PGM3: variants seen among roughly 807,000 people sequenced by gnomAD.
The protein encoded by PGM3 is phosphoacetylglucosamine mutase.
In PGM3, 40 loss-of-function variants were observed where a neutral mutation model predicts 66.2. The ratio of observed to expected loss-of-function variants is 0.60; its 90% CI spans 0.47 to 0.79. PGM3 has a LOEUF of 0.79. Ranked by LOEUF, PGM3 falls within the 30% of genes least tolerant of loss-of-function variation. The pLI is 0.00. For missense variants in PGM3, 537 were observed against 643.4 expected (o/e 0.83, Z 1.79); for synonymous variants, 191 against 224.2 (o/e 0.85, Z 1.32).
At chr6:83,173,383 C>A (rs1787459229) in intron 10 of PGM3, among the ~76,000 whole-genome samples, 1 of 152,138 alleles carries the variant, frequency 6.6e-6, no homozygotes, top group Admixed American at 6.5e-5. Context: ...CTCTAAGGCT[C>A]AGCCTAACAT....
intron 2 of PGM3, among the ~76,000 whole-genome samples, chr6:83,189,452 A>G (rs1788876963): frequency 6.6e-6 from 1 of 152,236 alleles, no homozygotes; most frequent in South Asian, 2.1e-4. Context: ...GGGTCTTCCT[A>G]GAAGTCAATC....
At chr6:83,172,178 T>C (rs1787270343) in intron 10 of PGM3, 119 bp from the exon 11 acceptor site, 6 of 968,380 alleles carry the variant, frequency 6.2e-6, no homozygotes, top group Non-Finnish European at 7.7e-6. Context: ...TGAAACATGC[T>C]GAGTGCCAAA....
In PGM3 at chr6:83,175,866, C is replaced by T. The variant is rs1787725294; in HGVS notation, c.1128+96G>A. 4.6e-6 allele frequency: 3 copies of T among 652,146 alleles called. No individual in the cohort carries two copies. The South Asian group carries it at 5.7e-5, about 12-fold the overall frequency. 40.4% of individuals were successfully genotyped at this position (652,146 alleles called of 1,614,324 possible). On this transcript the variant is annotated intron_variant, in intron 9 of 12. Coordinates refer to ENST00000513973, the MANE Select transcript of PGM3 (RefSeq NM_015599.3). Reference sequence around the variant, plus strand: ...TTTTTGTCACATCCAATTATTTCAACAAAGTACAATATTACCTATTATTAC... The same window carrying T: ...TTTTTGTCACATCCAATTATTTCAATAAAGTACAATATTACCTATTATTAC...
downstream of PGM3, chr6:83,157,451 T>C: frequency 2.1e-6 from 2 of 954,212 alleles, no homozygotes; most frequent in Non-Finnish European, 3.2e-6. Flanking sequence ...TGATGCTTTT[T>C]ACAGTTGAAA....
chr6:83,156,676 T>C (rs1782871809), downstream of PGM3, among the ~76,000 whole-genome samples: 2 of 152,210 alleles, frequency 1.3e-5, no homozygotes, highest in African/African-American at 4.8e-5. Flanking sequence ...CAGCATACTC[T>C]AAAGCCTCCA....
intron 10 of PGM3, among the ~76,000 whole-genome samples, chr6:83,173,421 T>C (rs1257024819): frequency 6.6e-6 from 1 of 152,222 alleles, no homozygotes; most frequent in African/African-American, 2.4e-5. Flanking sequence ...TTTTTATAAA[T>C]AGATCCCTTT....
chr6:83,166,741 A>G lies in PGM3; in HGVS notation c.*2493T>C, dbSNP rs564669438. On this transcript the variant is annotated 3_prime_UTR_variant, in exon 13 of 13. Transcript: ENST00000513973. ...ATAAGCAATAAGCTTGAGAGCACAT[A>G]GAAGAAAATAAGCTGGATTTTGCAT... 1.8e-6 allele frequency: 2 copies of G among 1,138,326 alleles called. No individual in the cohort carries two copies. The highest frequency in any genetic ancestry group is 3.8e-5 in the South Asian group (1 of 26,158). 70.5% of individuals were successfully genotyped at this position (1,138,326 alleles called of 1,614,324 possible).
chr6:83,170,321 G>A lies in PGM3; in HGVS notation c.1523C>T (p.Ala508Val). ...SGTEDVVRVY[A>V]EADSQESADH... Reference sequence around the variant, plus strand: ...CCAGCTTACTTGTGAGTCTGCTTCTGCATATACTCGGACGACATCTTCTGT... The same window carrying A: ...CCAGCTTACTTGTGAGTCTGCTTCTACATATACTCGGACGACATCTTCTGT... The change falls in exon 12 of 13, where the codon GCA (alanine) becomes GTA (valine). Residue 508 changes from alanine (A) to valine (V), a missense_variant. By Grantham distance (64) the Ala-to-Val change is moderately conservative. Transcript: ENST00000513973. 1.2e-6 allele frequency: 2 copies of A among 1,614,132 alleles called. No individual in the cohort carries two copies. Among genetic ancestry groups the A allele is most frequent in the Non-Finnish European group, 1.7e-6 (2 of 1,179,996 alleles).
intron 8 of PGM3, among the ~76,000 whole-genome samples, chr6:83,176,970 A>G (rs774952510): frequency 9.2e-5 from 14 of 152,202 alleles, no homozygotes; most frequent in African/African-American, 3.4e-4. Flanking sequence ...TTATAACCAT[A>G]TATTAAAATC....
chr6:83,191,883 C>CA (rs1562434406), intron 1 of PGM3, among the ~76,000 whole-genome samples: 65 of 139,734 alleles, frequency 4.7e-4, no homozygotes, highest in African/African-American at 1.7e-3. Flanking sequence ...CCCAGCTACT[C>CA]GGGAGGCAGA....
chr6:83,169,395 C>T (rs1786587325), intron 12 of PGM3, 72 bp from the exon 13 acceptor site: 2 of 1,557,224 alleles, frequency 1.3e-6, no homozygotes, highest in Non-Finnish European at 1.8e-6. Context: ...GACCATGTTA[C>T]TTGGAACTCT....
At chr6:83,190,076 T>G (rs751841298) in intron 2 of PGM3, among the ~76,000 whole-genome samples, 1 of 151,830 alleles carries the variant, frequency 6.6e-6, no homozygotes, top group East Asian at 1.9e-4. Flanking sequence ...TGACTATAGT[T>G]CATAATAATA....
chr6:83,157,403 A>G (rs1473342051), downstream of PGM3: 19 of 1,400,574 alleles, frequency 1.4e-5, no homozygotes, highest in East Asian at 4.1e-4. Flanking sequence ...ATATTAACGA[A>G]TATTGGGAGA....
chr6:83,151,255 A>C, the PGM3 span, among the ~76,000 whole-genome samples: 1 of 152,162 alleles, frequency 6.6e-6, no homozygotes, highest in Admixed American at 6.5e-5. Context: ...CTTGGCCTCA[A>C]GCAATTCTCC....
Position 83,176,044 on chromosome 6 carries a change from G to C in PGM3, c.1046C>G (p.Thr349Ser). The C allele has an allele frequency of 5.7e-6, 9 of 1,592,908 alleles. No homozygotes were observed. Among genetic ancestry groups the C allele is most frequent in the Non-Finnish European group, 7.8e-6 (9 of 1,160,784 alleles). The change falls in exon 9 of 13, where the codon ACT becomes AGT. Residue 349 changes from threonine to serine, a missense_variant. Coordinates refer to ENST00000513973, the MANE Select transcript of PGM3 (RefSeq NM_015599.3). Reference protein sequence around the residue: ...EEVMKVPVYCTKTGVKHLHHK... With the variant: ...EEVMKVPVYCSKTGVKHLHHK... ...GTGCAAATGTTTTACACCAGTCTTA[G>C]TGCAATAGACAGGTACCTATAACAC...
At chr6:83,190,412 A>G (rs1284338185) in intron 2 of PGM3, 1 of 177,278 alleles carries the variant, frequency 5.6e-6, no homozygotes, top group Non-Finnish European at 1.2e-5. Context: ...TTGCCGAGCT[A>G]TAAAAACCTG....
At chr6:83,180,687 TAG>T (rs1788115484) in intron 6 of PGM3, among the ~76,000 whole-genome samples, 1 of 152,198 alleles carries the variant, frequency 6.6e-6, no homozygotes, top group Non-Finnish European at 1.5e-5. Flanking sequence ...GCCTAGAGCA[TAG>T]AGAGTAAGAG....
chr6:83,168,065 G>A lies in PGM3; in HGVS notation c.*1169C>T. ...TCTACTCAAATGCCTTCCCTAATAA[G>A]GACATGAAACTGGAGAACCACAAAC... On this transcript the variant is annotated 3_prime_UTR_variant, in exon 13 of 13. Coordinates refer to ENST00000513973, the MANE Select transcript of PGM3 (RefSeq NM_015599.3). The A allele has an allele frequency of 6.2e-7, 1 of 1,614,122 alleles. No homozygotes were observed. The highest frequency in any genetic ancestry group is 2.2e-5 in the East Asian group (1 of 44,874).
chr6:83,191,137 T>A (rs1168188671), intron 1 of PGM3, 123 bp from the exon 2 acceptor site: 2 of 1,477,422 alleles, frequency 1.4e-6, no homozygotes, highest in Non-Finnish European at 1.8e-6. Context: ...AAGAACCCTA[T>A]GTTTGACAGA....
Sources: allele counts gnomAD v4.1 joint callset (sites outside exome capture counted in the v4.1 genomes callset), GRCh38; gene constraint gnomAD v4.1.1; transcripts MANE v1.5; gene names NCBI Gene and HGNC (gene_info 2026-07-23, HGNC 2026-07-21).